Variants in TEX11 observed in about 807,000 individuals in gnomAD.
The protein encoded by TEX11 is testis expressed 11.
A neutral mutation model predicts 84.4 loss-of-function variants in TEX11; 7 were observed. That is an observed-to-expected ratio of 0.08 (90% confidence interval 0.05 to 0.16). The LOEUF (loss-of-function observed/expected upper bound fraction) is 0.16. Ranked by LOEUF, TEX11 falls within the 10% of genes least tolerant of loss-of-function variation. TEX11 has a pLI of 1.00. For synonymous variants in TEX11, 264 were observed against 222.8 expected (o/e 1.18, Z -1.64); for missense variants, 551 against 660.5 (o/e 0.83, Z 1.82).
At chrX:70,737,903 G>A (rs1055766924) in intron 11 of TEX11, among the ~76,000 whole-genome samples, 14 of 111,568 alleles carry the variant, frequency 1.3e-4, no homozygotes, top group African/African-American at 4.6e-4. Context: ...CTGATATGCA[G>A]AAAACAGAAA....
intron 24 of TEX11, among the ~76,000 whole-genome samples, chrX:70,592,856 TA>T (rs1259776942): frequency 9.0e-6 from 1 of 111,172 alleles, no homozygotes; most frequent in Non-Finnish European, 1.9e-5. Context: ...AAGGACACTG[TA>T]AAAAATCATG....
intron 25 of TEX11, among the ~76,000 whole-genome samples, chrX:70,589,238 A>T (rs1183002781): frequency 2.8e-5 from 3 of 106,189 alleles, no homozygotes; most frequent in African/African-American, 1.0e-4. Context: ...GATATTAGTC[A>T]CCTTAATTAA....
chrX:70,609,661 A>G (rs1287500462), intron 21 of TEX11, among the ~76,000 whole-genome samples: 2 of 112,210 alleles, frequency 1.8e-5, no homozygotes, highest in East Asian at 5.6e-4. Context: ...TCTTTTGAAA[A>G]GAAGTGGTCT....
intron 9 of TEX11, among the ~76,000 whole-genome samples, chrX:70,789,464 C>T (rs1216426125): frequency 9.0e-6 from 1 of 111,365 alleles, no homozygotes; most frequent in South Asian, 3.7e-4. Context: ...TGGTGGCAGG[C>T]GCCTGTGATC....
chrX:70,713,655 TA>T (rs2090464102), intron 13 of TEX11, among the ~76,000 whole-genome samples: 1 of 111,627 alleles, frequency 9.0e-6, no homozygotes, highest in Admixed American at 9.5e-5. Flanking sequence ...TATCATTTTT[TA>T]TTGCGTCTAT....
chrX:70,899,728 C>T (rs1314863969), intron 2 of TEX11, among the ~76,000 whole-genome samples: 1 of 105,957 alleles, frequency 9.4e-6, no homozygotes, highest in African/African-American at 3.4e-5. Context: ...CCAGCCTGGG[C>T]AACATGGCAA....
chrX:70,706,794 G>A (rs984203613), intron 13 of TEX11, among the ~76,000 whole-genome samples: 11 of 110,482 alleles, frequency 1.0e-4, no homozygotes, highest in Non-Finnish European at 2.1e-4. Context: ...CTAGTTTCAG[G>A]CTCTTATTAC....
At chrX:70,657,872 C>T (rs1368369171) in intron 16 of TEX11, among the ~76,000 whole-genome samples, 7 of 82,116 alleles carry the variant, frequency 8.5e-5, no homozygotes, top group African/African-American at 3.5e-4. Flanking sequence ...GGGAATTGAA[C>T]AATGAGAACA....
chrX:70,853,220 C>T, intron 6 of TEX11, 28 bp downstream of exon 6: 1 of 1,206,762 alleles, frequency 8.3e-7, no homozygotes, highest in Non-Finnish European at 1.1e-6. Context: ...CTAATAATTG[C>T]CTCAGCTAAA....
chrX:70,818,756 AC>A (rs2091303353), intron 8 of TEX11, among the ~76,000 whole-genome samples: 1 of 110,660 alleles, frequency 9.0e-6, no homozygotes, highest in Non-Finnish European at 1.9e-5. Context: ...AACCAGCACC[AC>A]CACACACCTC....
chrX:70,676,288 C>T (rs2090071192), intron 15 of TEX11, among the ~76,000 whole-genome samples: 1 of 112,330 alleles, frequency 8.9e-6, no homozygotes, highest in Non-Finnish European at 1.9e-5. Flanking sequence ...TGAAGAGCTG[C>T]CATACTGTTT....
intron 13 of TEX11, among the ~76,000 whole-genome samples, chrX:70,718,903 T>C (rs1347575199): frequency 9.0e-6 from 1 of 111,731 alleles, no homozygotes; most frequent in Non-Finnish European, 1.9e-5. Context: ...CTTCTGACTA[T>C]ATCTAGGCCA....
intron 28 of TEX11, among the ~76,000 whole-genome samples, chrX:70,533,054 A>AAAAAT (rs905965984): frequency 6.3e-5 from 7 of 111,573 alleles, no homozygotes; most frequent in East Asian, 2.8e-4. Flanking sequence ...ATAAATAAAT[A>AAAAAT]AAAATAAAAT....
chrX:70,738,381 A>C (rs1405939438), intron 11 of TEX11, among the ~76,000 whole-genome samples: 2 of 112,588 alleles, frequency 1.8e-5, no homozygotes, highest in African/African-American at 6.4e-5. Context: ...AAGAAATGCA[A>C]ATCAAAACCA....
At chrX:70,579,254 G>A (rs188065345) in intron 25 of TEX11, among the ~76,000 whole-genome samples, 2,184 of 106,966 alleles carry the variant, frequency 0.02, 62 homozygotes, top group African/African-American at 0.07. Flanking sequence ...TTTGGGAGGC[G>A]GAGGTGGGTG....
chrX:70,689,643 T>C (rs2090217706), intron 13 of TEX11, among the ~76,000 whole-genome samples: 1 of 112,037 alleles, frequency 8.9e-6, no homozygotes, highest in African/African-American at 3.2e-5. Flanking sequence ...AAATGTAGTA[T>C]TGAATTATAA....
intron 10 of TEX11, among the ~76,000 whole-genome samples, chrX:70,742,589 T>G (rs928020959): frequency 9.2e-6 from 1 of 109,260 alleles, no homozygotes; most frequent in East Asian, 2.9e-4. Flanking sequence ...ATTGGCCAGA[T>G]GTGGTGGAGT....
At chrX:70,747,484 C>T (rs899620820) in intron 9 of TEX11, among the ~76,000 whole-genome samples, 1 of 111,976 alleles carries the variant, frequency 8.9e-6, no homozygotes, top group Non-Finnish European at 1.9e-5. Context: ...TCTAGACTTG[C>T]TACAATATAT....
At position 70,553,296 on chromosome X, in the gene TEX11, A is replaced by G; in HGVS notation, c.2399+10T>C. On this transcript the variant is annotated intron_variant, in intron 27 of 29. Coordinates refer to ENST00000374333, the MANE Select transcript of TEX11 (RefSeq NM_031276.3). The stretch of plus-strand genomic sequence containing the variant: ...TTGGCTAGCAAAAAGGCTGGATTGT[A>G]TTTACTAACCTGTATTGTGATATAT... 8.8e-7 allele frequency: 1 copy of G among 1,137,833 alleles called. No homozygotes were observed. Among genetic ancestry groups the G allele is most frequent in the Non-Finnish European group, 1.2e-6 (1 of 838,014 alleles). 93.8% of individuals were successfully genotyped at this position (1,137,833 alleles called of 1,213,427 possible).
Sources: allele counts gnomAD v4.1 joint callset (sites outside exome capture counted in the v4.1 genomes callset), GRCh38; gene constraint gnomAD v4.1.1; transcripts MANE v1.5; gene names NCBI Gene and HGNC (gene_info 2026-07-23, HGNC 2026-07-21).